PCDH15: variants seen among roughly 807,000 people sequenced by gnomAD.
PCDH15 encodes protocadherin related 15.
A neutral mutation model predicts 178.5 loss-of-function variants in PCDH15; 129 were observed. That is an observed-to-expected ratio of 0.72 (90% CI 0.63 to 0.84). PCDH15 has a LOEUF of 0.84. PCDH15 is among the 40% of genes least tolerant of loss of function. The pLI is 0.00. For missense variants in PCDH15, 2,230 were observed against 2,099.9 expected (o/e 1.06, Z -1.21); for synonymous variants, 800 against 732.0 (o/e 1.09, Z -1.50).
chr10:54,538,219 C>T (rs927697594), intron 2 of PCDH15, among the ~76,000 whole-genome samples: 1 of 152,102 alleles, frequency 6.6e-6, no homozygotes, highest in African/African-American at 2.4e-5. Context: ...GTTTCCTAGG[C>T]TTCCTTTTAA....
At chr10:54,687,296 A>G (rs1330362656) in intron 1 of PCDH15, among the ~76,000 whole-genome samples, 2 of 152,146 alleles carry the variant, frequency 1.3e-5, no homozygotes, top group Non-Finnish European at 2.9e-5. Flanking sequence ...TCAGTAATCA[A>G]AATTCTTGGC....
At chr10:55,523,624 G>C (rs933889007) in intron 2 of PCDH15, among the ~76,000 whole-genome samples, 22 of 151,538 alleles carry the variant, frequency 1.5e-4, no homozygotes, top group African/African-American at 5.1e-4. Flanking sequence ...TGTACTCTTT[G>C]ATGAACAACT....
At chr10:54,924,860 A>T (rs1225812173) in intron 2 of PCDH15, among the ~76,000 whole-genome samples, 1 of 152,130 alleles carries the variant, frequency 6.6e-6, no homozygotes, top group Non-Finnish European at 1.5e-5. Flanking sequence ...TTTCAAGTGC[A>T]TAGCTTGTAA....
chr10:54,301,473 T>C (rs1256413281), intron 8 of PCDH15, among the ~76,000 whole-genome samples: 1 of 152,154 alleles, frequency 6.6e-6, no homozygotes, highest in Non-Finnish European at 1.5e-5. Flanking sequence ...TAAATTTGCA[T>C]GTATGATGTT....
At chr10:54,901,369 T>C (rs538204508) in intron 2 of PCDH15, among the ~76,000 whole-genome samples, 1 of 152,338 alleles carries the variant, frequency 6.6e-6, no homozygotes, top group Admixed American at 6.5e-5. Context: ...TACAATTTTA[T>C]TGCAGAACCT....
At chr10:54,183,924 T>G (rs1591021764) in intron 12 of PCDH15, among the ~76,000 whole-genome samples, 1 of 152,134 alleles carries the variant, frequency 6.6e-6, no homozygotes. Flanking sequence ...CTTAAAAACT[T>G]AATTGGAAAA....
rs114301540 is a variant in PCDH15, at chr10:54,952,657, A to T, written c.-79-55157T>A. Among the ~76,000 whole-genome samples, 1,145 of 151,874 alleles carry T rather than the reference A, an allele frequency of 7.5e-3. 17 individuals are homozygous for T. The highest frequency in any genetic ancestry group is 0.026 in the African/African-American group (1,090 of 41,522). ...AATATCTTTCCGTTTATTTAGATATATCTGATGCACTTTATCAGAATTTTG... is the reference window on the plus strand; with the variant it reads ...AATATCTTTCCGTTTATTTAGATATTTCTGATGCACTTTATCAGAATTTTG... On this transcript the variant is annotated intron_variant, in intron 2 of 5. Transcript: ENST00000458638.
chr10:55,357,062 A>G (rs566282604), intron 2 of PCDH15, among the ~76,000 whole-genome samples: 2 of 152,110 alleles, frequency 1.3e-5, no homozygotes, highest in South Asian at 4.1e-4. Context: ...TCACTTGAAC[A>G]GTTTGCTCTG....
chr10:55,286,501 GTT>G (rs34383872), intron 1 of PCDH15, among the ~76,000 whole-genome samples: 4 of 141,212 alleles, frequency 2.8e-5, no homozygotes, highest in African/African-American at 5.1e-5. Context: ...GTCTATGAGG[GTT>G]TTTTTTTTTT....
At chr10:53,868,845 T>C (rs1589165459) in intron 26 of PCDH15, among the ~76,000 whole-genome samples, 1 of 152,256 alleles carries the variant, frequency 6.6e-6, no homozygotes, top group South Asian at 2.1e-4. Context: ...CTTTTCTTTA[T>C]TTTTTTCTCT....
chr10:55,485,436 G>A (rs1439904454), intron 2 of PCDH15, among the ~76,000 whole-genome samples: 1 of 151,446 alleles, frequency 6.6e-6, no homozygotes, highest in Non-Finnish European at 1.5e-5. Flanking sequence ...CAAACATCAG[G>A]AAAGCACACA....
chr10:55,055,440 G>C (rs12761443), intron 2 of PCDH15, among the ~76,000 whole-genome samples: 9,342 of 152,102 alleles, frequency 0.061, 398 homozygotes, highest in African/African-American at 0.11. Context: ...AACCACACTA[G>C]CCTTCGTATA....
At chr10:54,969,916 G>T (rs1838889037) in intron 2 of PCDH15, among the ~76,000 whole-genome samples, 1 of 152,162 alleles carries the variant, frequency 6.6e-6, no homozygotes, top group African/African-American at 2.4e-5. Flanking sequence ...ATTCCCCAGA[G>T]ATGTTCCAAT....
chr10:53,967,715 T>C (rs562433589), intron 21 of PCDH15, among the ~76,000 whole-genome samples: 1 of 152,338 alleles, frequency 6.6e-6, no homozygotes, highest in Non-Finnish European at 1.5e-5. Flanking sequence ...AAGTAAACTA[T>C]AGAAAACATT....
intron 14 of PCDH15, among the ~76,000 whole-genome samples, chr10:54,139,686 C>T (rs1006137054): frequency 2.0e-5 from 3 of 151,628 alleles, no homozygotes; most frequent in African/African-American, 7.3e-5. Context: ...ATTGAGAAAA[C>T]GAATCTGTTT....
At chr10:54,314,896 C>T (rs1438537509) in intron 8 of PCDH15, among the ~76,000 whole-genome samples, 6 of 152,138 alleles carry the variant, frequency 3.9e-5, no homozygotes, top group Admixed American at 6.6e-5. Context: ...TATAGTATTC[C>T]ATGTGGTATA....
At chr10:54,561,412 T>C (rs1304973706) in intron 2 of PCDH15, among the ~76,000 whole-genome samples, 1 of 152,126 alleles carries the variant, frequency 6.6e-6, no homozygotes, top group African/African-American at 2.4e-5. Flanking sequence ...AACTAAAACA[T>C]TTTCAAACAT....
intron 3 of PCDH15, among the ~76,000 whole-genome samples, chr10:54,435,842 C>A (rs1294959460): frequency 6.6e-6 from 1 of 151,638 alleles, no homozygotes; most frequent in African/African-American, 2.4e-5. Context: ...TGGTGGCGGG[C>A]GCCTGTAGTC....
intron 2 of PCDH15, among the ~76,000 whole-genome samples, chr10:55,593,695 A>G (rs1403408574): frequency 6.6e-6 from 1 of 151,872 alleles, no homozygotes; most frequent in Non-Finnish European, 1.5e-5. Flanking sequence ...CCATTGAAAG[A>G]GCCATTTTCA....
Sources: allele counts gnomAD v4.1 joint callset (sites outside exome capture counted in the v4.1 genomes callset), GRCh38; gene constraint gnomAD v4.1.1; transcripts MANE v1.5; gene names NCBI Gene and HGNC (gene_info 2026-07-23, HGNC 2026-07-21).